The following CD96 variants were observed in gnomAD, a reference collection of about 807,000 sequenced individuals.
CD96 encodes the protein T-cell surface protein tactile.
CD96 carries 70 observed loss-of-function variants against 71.3 expected under a neutral mutation model. The observed-to-expected ratio is 0.98, with a 90% CI of 0.81 to 1.20. The LOEUF is 1.20. CD96 is among the 50% of genes most tolerant of loss of function. CD96 has a pLI of 0.00. For missense variants in CD96, 742 were observed against 677.5 expected (o/e 1.10, Z -1.06); for synonymous variants, 248 against 233.0 (o/e 1.06, Z -0.59).
intron 7 of CD96, among the ~76,000 whole-genome samples, chr3:111,605,107 A>C (rs1374562958): frequency 6.6e-6 from 1 of 152,210 alleles, no homozygotes; most frequent in Non-Finnish European, 1.5e-5. Context: ...TTTCAGTGTT[A>C]AGAATAAATT....
intron 5 of CD96, among the ~76,000 whole-genome samples, chr3:111,595,678 GA>G (rs1476818887): frequency 2.6e-5 from 4 of 151,370 alleles, no homozygotes; most frequent in Non-Finnish European, 5.9e-5. Context: ...GGGAAAGGCT[GA>G]AATATTAAAT....
At chr3:111,600,649 C>G (rs1470846311) in intron 6 of CD96, 77 bp from the exon 7 acceptor site, 3 of 1,088,190 alleles carry the variant, frequency 2.8e-6, no homozygotes, top group African/African-American at 3.1e-5. Flanking sequence ...ACAAATTGAT[C>G]ATGCCATGCC....
chr3:111,638,001 A>G (rs753926929), intron 11 of CD96, 78 bp from the exon 12 acceptor site: 20 of 832,480 alleles, frequency 2.4e-5, no homozygotes, highest in Non-Finnish European at 3.4e-5. Context: ...TTCAAATAAC[A>G]TATGAAACCC....
intron 2 of CD96, 48 bp from the exon 3 acceptor site, chr3:111,567,475 C>A (rs770423662): frequency 5.8e-6 from 9 of 1,556,022 alleles, no homozygotes; most frequent in South Asian, 1.1e-5. Flanking sequence ...AAGCACTTTA[C>A]AAACCAATCA....
intron 14 of CD96, among the ~76,000 whole-genome samples, chr3:111,658,134 G>T (rs541510835): frequency 6.6e-6 from 1 of 152,310 alleles, no homozygotes; most frequent in South Asian, 2.1e-4. Context: ...GAAATACTTT[G>T]TTAGGTCAGA....
chr3:111,565,628 T>C (rs1227844463), intron 2 of CD96, among the ~76,000 whole-genome samples: 1 of 151,996 alleles, frequency 6.6e-6, no homozygotes, highest in African/African-American at 2.4e-5. Context: ...ATAGTAGAGA[T>C]GGTATAGAAA....
intron 2 of CD96, among the ~76,000 whole-genome samples, chr3:111,553,413 A>C (rs1603687): frequency 0.68 from 100,961 of 148,660 alleles, 34,668 homozygotes; most frequent in African/African-American, 0.77. Context: ...GAGACTTGAT[A>C]ACATTTAGGT....
chr3:111,569,494 A>C (rs1185060300), intron 3 of CD96, among the ~76,000 whole-genome samples: 2 of 152,212 alleles, frequency 1.3e-5, no homozygotes, highest in African/African-American at 4.8e-5. Flanking sequence ...AAGTGAGATA[A>C]TTTCAGGAGG....
intron 3 of CD96, among the ~76,000 whole-genome samples, chr3:111,573,236 T>C (rs1003035390): frequency 6.6e-6 from 1 of 152,162 alleles, no homozygotes; most frequent in African/African-American, 2.4e-5. Context: ...TAATATTCTG[T>C]TTTCATAGCA....
intron 2 of CD96, among the ~76,000 whole-genome samples, chr3:111,561,979 C>T (rs1296909602): frequency 3.3e-5 from 5 of 151,732 alleles, no homozygotes; most frequent in South Asian, 2.1e-4. Context: ...TTTCCAGGTG[C>T]GTCCGTCACC....
At position 111,624,360 on chromosome 3, in the gene CD96, G is replaced by A; in HGVS notation, c.1277G>A (p.Gly426Asp). Residue 426 changes from glycine to aspartate, a missense_variant, in exon 10 of 14, where the codon GGC becomes GAC. Gly to Asp is a moderately conservative substitution (Grantham distance 94). Transcript: ENST00000352690. ...QPSNSSMTTR[G>D]FNYPWTSSGT... is the part of the protein sequence containing the mutation. Reference sequence around the variant, plus strand: ...AGCAATTCCAGTATGACTACCCGAGGCTTCAACTATCCCTGGACCTCCAGT... The same window carrying A: ...AGCAATTCCAGTATGACTACCCGAGACTTCAACTATCCCTGGACCTCCAGT... 3 of 1,612,416 alleles carry A rather than the reference G, an allele frequency of 1.9e-6. No homozygotes were observed. Among genetic ancestry groups the A allele is most frequent in the Non-Finnish European group, 2.5e-6 (3 of 1,178,510 alleles).
chr3:111,662,727 A>C (rs1438290517), intron 14 of CD96, among the ~76,000 whole-genome samples: 1 of 152,128 alleles, frequency 6.6e-6, no homozygotes, highest in Non-Finnish European at 1.5e-5. Flanking sequence ...CCACATCTCC[A>C]TCTGAGACAA....
intron 1 of CD96, 135 bp downstream of exon 1, chr3:111,542,444 T>C (rs1437640812): frequency 2.1e-6 from 1 of 473,162 alleles, no homozygotes; most frequent in Non-Finnish European, 4.0e-6. Context: ...GGGTTTCAGT[T>C]ATGTATTTAA....
intron 8 of CD96, among the ~76,000 whole-genome samples, chr3:111,614,948 T>C (rs181813970): frequency 3.9e-5 from 6 of 152,320 alleles, no homozygotes; most frequent in African/African-American, 1.2e-4. Flanking sequence ...AAAGGAACTC[T>C]TAGCCAGTCT....
chr3:111,630,612 C>G (rs992456159), intron 10 of CD96, among the ~76,000 whole-genome samples: 2 of 152,014 alleles, frequency 1.3e-5, no homozygotes, highest in Admixed American at 6.6e-5. Context: ...CTACTGAAAC[C>G]ATTCTAAAAA....
intron 12 of CD96, among the ~76,000 whole-genome samples, chr3:111,643,634 C>T (rs771405666): frequency 9.5e-4 from 143 of 151,206 alleles, no homozygotes; most frequent in African/African-American, 3.3e-3. Flanking sequence ...GCAAAGTTTC[C>T]GAATACAAGA....
At chr3:111,555,139 C>T (rs551991399) in intron 2 of CD96, among the ~76,000 whole-genome samples, 6 of 151,188 alleles carry the variant, frequency 4.0e-5, no homozygotes, top group African/African-American at 1.5e-4. Flanking sequence ...CTTAACAGGC[C>T]ACGGACAAGT....
At chr3:111,607,836 C>CT in intron 8 of CD96, among the ~76,000 whole-genome samples, 1 of 152,124 alleles carries the variant, frequency 6.6e-6, no homozygotes, top group Non-Finnish European at 1.5e-5. Context: ...TTCTTTTCTT[C>CT]TTTTTTTGAA....
intron 8 of CD96, among the ~76,000 whole-genome samples, chr3:111,621,765 G>A (rs1367754771): frequency 1.3e-5 from 2 of 152,146 alleles, no homozygotes; most frequent in South Asian, 4.1e-4. Context: ...CACTGCAAGT[G>A]AACAATGGCG....
Sources: allele counts gnomAD v4.1 joint callset (sites outside exome capture counted in the v4.1 genomes callset), GRCh38; gene constraint gnomAD v4.1.1; transcripts MANE v1.5; gene names NCBI Gene and HGNC (gene_info 2026-07-23, HGNC 2026-07-21).